The following KMT2D variants were observed in gnomAD, a reference collection of about 807,000 sequenced individuals.
KMT2D encodes histone-lysine N-methyltransferase 2D.
Under a neutral mutation model 512.7 loss-of-function variants are expected in KMT2D, and 55 were observed. That is an observed-to-expected ratio of 0.11 (90% confidence interval 0.09 to 0.13). The LOEUF is 0.13. Ranked by LOEUF, KMT2D falls within the 10% of genes least tolerant of loss-of-function variation. The pLI, the probability that KMT2D is intolerant of heterozygous loss-of-function variation, is 1.00. For synonymous variants in KMT2D, 2,995 were observed against 2,904.0 expected (o/e 1.03, Z -1.01); for missense variants, 6,061 against 7,127.9 (o/e 0.85, Z 5.39).
chr12:49,020,371 G>A lies in KMT2D; in HGVS notation c.*1409C>T, dbSNP rs927642750. 4.8e-4 allele frequency: 85 copies of A among 176,886 alleles called. No individual in the cohort carries two copies. The highest frequency in any genetic ancestry group is 1.6e-3 in the African/African-American group (66 of 42,210). 11.0% of individuals were successfully genotyped at this position (176,886 alleles called of 1,614,324 possible). A position where few individuals can be genotyped will look rare whatever the true frequency, so the allele number is the denominator to read the frequency against. On this transcript the variant is annotated 3_prime_UTR_variant, in exon 55 of 55. Coordinates refer to ENST00000301067, the MANE Select transcript of KMT2D (RefSeq NM_003482.4). ...CCCACAAGGGGAGCTCCATGTGTCCGCCCCACACCCCCCTACCATTTATAA... is the reference window on the plus strand; with the variant it reads ...CCCACAAGGGGAGCTCCATGTGTCCACCCCACACCCCCCTACCATTTATAA...
rs1380673302 is a variant in KMT2D, at chr12:49,019,066, A to G, written c.*2714T>C. The G allele has an allele frequency of 2.2e-6, 3 of 1,340,130 alleles. No individual in the cohort carries two copies. Among genetic ancestry groups the G allele is most frequent in the African/African-American group, 3.0e-5 (2 of 67,462 alleles). The allele number at this position is 1,340,130 out of a possible 1,614,324, so 83.0% of individuals were successfully genotyped here. ...ACTTGCCCTTTGCCTCTCGCAACATAAATATGTACAGTTCAGAATGATCGC... is the reference window on the plus strand; with the variant it reads ...ACTTGCCCTTTGCCTCTCGCAACATGAATATGTACAGTTCAGAATGATCGC... On this transcript the variant is annotated 3_prime_UTR_variant, in exon 55 of 55. Coordinates refer to ENST00000301067, the MANE Select transcript of KMT2D (RefSeq NM_003482.4).
intron 9 of KMT2D, 30 bp from the exon 10 acceptor site, chr12:49,052,739 T>C (rs1474655476): frequency 1.2e-6 from 2 of 1,607,776 alleles, no homozygotes; most frequent in Non-Finnish European, 1.7e-6. Context: ...GCAGGCACTG[T>C]GGCTCTCACC....
Position 49,046,420 on chromosome 12 carries a change from C to T in KMT2D, c.4423G>A (p.Val1475Met), listed in dbSNP as rs2120606153. 6.2e-7 allele frequency: 1 copy of T among 1,613,870 alleles called. No individual in the cohort carries two copies. Among genetic ancestry groups the T allele is most frequent in the Non-Finnish European group, 8.5e-7 (1 of 1,179,836 alleles). Residue 1475 changes from valine (V) to methionine (M), a missense_variant, in exon 17 of 55, where the codon GTG (valine) becomes ATG (methionine). Physicochemically the swap from Val to Met is conservative, Grantham distance 21. Around this residue, in one of 16 missense-constraint regions of KMT2D, gnomAD observed 640 missense variants for 814.3 expected, o/e 0.79. Coordinates refer to ENST00000301067, the MANE Select transcript of KMT2D (RefSeq NM_003482.4). The surrounding 1 kb of genome is among the most constrained non-coding windows in gnomAD (Gnocchi z 4.2). ...PKGGWKCKWC[V>M]SCMQCGAASP... ...GCAGCCCCACACTGCATACAGGACACACACCTGATAGGAGCAGGAAAACAG... is the reference window on the plus strand; with the variant it reads ...GCAGCCCCACACTGCATACAGGACATACACCTGATAGGAGCAGGAAAACAG...
rs2120387696 is a variant in KMT2D, at chr12:49,028,908, T to C, written c.14302A>G (p.Lys4768Glu). Residue 4768 changes from lysine (K) to glutamate (E), a missense_variant, in exon 46 of 55, where the codon AAG becomes GAG. By Grantham distance (56) the Lys-to-Glu change is moderately conservative. This residue lies in a region of KMT2D where 1,600 missense variants were observed against 1,754.9 expected (regional missense o/e 0.91). Transcript: ENST00000301067. Reference protein sequence around the residue: ...YGALGLEVPGKLPVTTWEKGK... With the variant: ...YGALGLEVPGELPVTTWEKGK... ...TTTTCCCAAGTTGTGACAGGCAGCTTTCCAGGGACCTCCAGGCCAAGGGCC... is the reference window on the plus strand; with the variant it reads ...TTTTCCCAAGTTGTGACAGGCAGCTCTCCAGGGACCTCCAGGCCAAGGGCC... 1.2e-6 allele frequency: 2 copies of C among 1,614,034 alleles called. No homozygotes were observed. The highest frequency in any genetic ancestry group is 2.7e-5 in the African/African-American group (2 of 75,052).
chr12:49,042,979 C>T lies in KMT2D; in HGVS notation c.5644+97G>A, dbSNP rs1388832311. The T allele has an allele frequency of 5.1e-6, 8 of 1,566,628 alleles. No individual in the cohort carries two copies. Among genetic ancestry groups the T allele is most frequent in the East Asian group, 2.2e-5 (1 of 44,544 alleles). ...GCCAGGAACAGTCCAGGACTCCCCACCAGAGAAGCTGTACAGATCACAGTC... is the reference window on the plus strand; with the variant it reads ...GCCAGGAACAGTCCAGGACTCCCCATCAGAGAAGCTGTACAGATCACAGTC... On this transcript the variant is annotated intron_variant, in intron 26 of 54. Coordinates refer to ENST00000301067, the MANE Select transcript of KMT2D (RefSeq NM_003482.4). This position sits in a 1 kb window ranked among gnomAD's most constrained non-coding sequence, Gnocchi z 4.4.
chr12:49,038,810 G>T lies in KMT2D; in HGVS notation c.8546C>A (p.Ala2849Asp), dbSNP rs370940954. 1 of 1,571,860 alleles carries T rather than the reference G, an allele frequency of 6.4e-7. No individual in the cohort carries two copies. The highest frequency in any genetic ancestry group is 8.6e-7 in the Non-Finnish European group (1 of 1,158,294). Residue 2849 changes from alanine to aspartate, a missense_variant, in exon 35 of 55, where the codon GCC becomes GAC. Coordinates refer to ENST00000301067, the MANE Select transcript of KMT2D (RefSeq NM_003482.4). The surrounding 1 kb of genome is among the most constrained non-coding windows in gnomAD (Gnocchi z 5.7). ...STPGPELGRQ[A>D]LGSPLAGIST... ...AATTCCCGCCAACGGGGAACCTAGG[G>T]CTTGGCGGCCAAGTTCAGGTCCAGG...
intron 2 of KMT2D, 59 bp from the exon 3 acceptor site, chr12:49,055,085 C>T (rs1396209546): frequency 1.9e-6 from 3 of 1,604,428 alleles, no homozygotes; most frequent in Admixed American, 1.7e-5. Context: ...ACAAAGTCCA[C>T]TCACCAGACG....
At chr12:49,034,978 G>GCT in intron 35 of KMT2D, 43 bp from the exon 36 acceptor site, 1 of 1,607,746 alleles carries the variant, frequency 6.2e-7, no homozygotes, top group South Asian at 1.1e-5. Flanking sequence ...TGGGGCCAAT[G>GCT]CTCCAGTGAA....
At position 49,022,836 on chromosome 12, in the gene KMT2D, A is replaced by G. The variant is rs2137707704; in HGVS notation, c.16092T>C (p.Tyr5364=). The G allele has an allele frequency of 6.2e-7, 1 of 1,612,904 alleles. No homozygotes were observed. The highest frequency in any genetic ancestry group is 8.5e-7 in the Non-Finnish European group (1 of 1,179,144). Residue 5364 remains tyrosine (Y), a synonymous_variant, in exon 52 of 55, where the codon TAT becomes TAC. Transcript: ENST00000301067. This position sits in a 1 kb window ranked among gnomAD's most constrained non-coding sequence, Gnocchi z 8.6. ...TLNSTSMSKA[Y]QSTFTGETNT... The stretch of plus-strand genomic sequence containing the variant: ...TGGTCTCGCCTGTGAAGGTGCTCTG[A>G]TATGCCTTAGACATGCTGGTGCTGT...
rs771484057 is a variant in KMT2D, at chr12:49,040,811, T to G, written c.6959A>C (p.Glu2320Ala). 3 of 1,613,668 alleles carry G rather than the reference T, an allele frequency of 1.9e-6. No individual in the cohort carries two copies. In the South Asian group the frequency reaches 3.3e-5, roughly 18 times the overall value. Residue 2320 changes from glutamate to alanine, a missense_variant, in exon 32 of 55, where the codon GAG becomes GCG. By Grantham distance (107) the Glu-to-Ala change is moderately radical. Coordinates refer to ENST00000301067, the MANE Select transcript of KMT2D (RefSeq NM_003482.4). ...PSSGTHLGGL[E>A]LKTPDVFKAP... ...TTTGAAGACATCAGGTGTCTTTAAC[T>G]CCAGGCCACCCAGGTGGGTGCCTGA...
chr12:49,055,482 A>C (rs1342987068), intron 1 of KMT2D, 121 bp from the exon 2 acceptor site: 10 of 606,886 alleles, frequency 1.6e-5, no homozygotes, highest in East Asian at 2.8e-5. Flanking sequence ...CATACTACAA[A>C]CTCCTATACT....
In KMT2D at chr12:49,031,378, G is replaced by A; in HGVS notation, c.13327C>T (p.Pro4443Ser). Reference sequence around the variant, plus strand: ...AGCAGGAGGTGGTTGCTGGTTCCTGGTGCCCCTATTGGCTCCCCATTGGCC... The same window carrying A: ...AGCAGGAGGTGGTTGCTGGTTCCTGATGCCCCTATTGGCTCCCCATTGGCC... Reference protein sequence around the residue: ...REANGEPIGAPGTSNHLLLAG... With the variant: ...REANGEPIGASGTSNHLLLAG... The change falls in exon 40 of 55, where the codon CCA (proline) becomes TCA (serine). Residue 4443 changes from proline (P) to serine (S), a missense_variant. By Grantham distance (74) the Pro-to-Ser change is moderately conservative (BLOSUM62 -1). Transcript: ENST00000301067. 3 of 1,613,552 alleles carry A rather than the reference G, an allele frequency of 1.9e-6. No individual in the cohort carries two copies. The highest frequency in any genetic ancestry group is 2.2e-5 in the East Asian group (1 of 44,876).
At position 49,054,296 on chromosome 12, in the gene KMT2D, C is replaced by T. The variant is rs1281090809; in HGVS notation, c.510+11G>A. On this transcript the variant is annotated intron_variant, in intron 5 of 54. Coordinates refer to ENST00000301067, the MANE Select transcript of KMT2D (RefSeq NM_003482.4). This position sits in a 1 kb window ranked among gnomAD's most constrained non-coding sequence, Gnocchi z 6.4. ...GCCCTTCACCTATGCAATCCCCTGG[C>T]CCAGCCCCACCTGTGAGATCCCTGA... The T allele has an allele frequency of 5.7e-6, 9 of 1,576,600 alleles. No individual in the cohort carries two copies. Among genetic ancestry groups the T allele is most frequent in the Non-Finnish European group, 6.9e-6 (8 of 1,160,904 alleles).
rs549086846 is a variant in KMT2D at position 49,032,384 on chromosome 12, C to A, written c.12321G>T (p.Leu4107=). 6.2e-7 allele frequency: 1 copy of A among 1,609,266 alleles called. No homozygotes were observed. Among genetic ancestry groups the A allele is most frequent in the Non-Finnish European group, 8.5e-7 (1 of 1,177,778 alleles). ...GGCTTCCTCCACCTGCTGTGTGGAG[C>A]AGGCTAACTTGCTGCTGCTGTTGTC... ...LPGQQQQQVS[L]LHTAGGGSHG... is the part of the protein sequence containing the mutation. Residue 4107 remains leucine (L), a synonymous_variant, in exon 40 of 55, where the codon CTG becomes CTT. Coordinates refer to ENST00000301067, the MANE Select transcript of KMT2D (RefSeq NM_003482.4).
chr12:49,031,160 A>G lies in KMT2D; in HGVS notation c.13530+15T>C. On this transcript the variant is annotated intron_variant, in intron 40 of 54. Coordinates refer to ENST00000301067, the MANE Select transcript of KMT2D (RefSeq NM_003482.4). The stretch of plus-strand genomic sequence containing the variant: ...GGACCCACTCTACCTGCTCCACTCT[A>G]CTCAGAGTACTCACCTCCTTGTTGC... 1 of 1,605,786 alleles carries G rather than the reference A, an allele frequency of 6.2e-7. No homozygotes were observed. Among genetic ancestry groups the G allele is most frequent in the Non-Finnish European group, 8.5e-7 (1 of 1,175,568 alleles).
chr12:49,021,980 G>A, intron 54 of KMT2D, 63 bp downstream of exon 54: 1 of 1,552,096 alleles, frequency 6.4e-7, no homozygotes, highest in Non-Finnish European at 8.9e-7. Flanking sequence ...TTTAGGGAAT[G>A]GCAGAGAAGG....
rs369189362 is a variant in KMT2D at position 49,026,435 on chromosome 12, C to T, written c.15531G>A (p.Met5177Ile). The change falls in exon 49 of 55, where the codon ATG (methionine) becomes ATA (isoleucine). Residue 5177 changes from methionine (M) to isoleucine (I), a missense_variant. By Grantham distance (10) the Met-to-Ile change is conservative. This residue lies in a region of KMT2D where 261 missense variants were observed against 440.7 expected (regional missense o/e 0.59). Coordinates refer to ENST00000301067, the MANE Select transcript of KMT2D (RefSeq NM_003482.4). The surrounding 1 kb of genome is among the most constrained non-coding windows in gnomAD (Gnocchi z 9.6). Reference sequence around the variant, plus strand: ...GGAACACAAGGCCCCCCACACGGAACATGTGCAGCCGTTCTCCCCGCTGAA... The same window carrying T: ...GGAACACAAGGCCCCCCACACGGAATATGTGCAGCCGTTCTCCCCGCTGAA... ...SIIQRGERLHMFRVGGLVFHA... is the reference protein window; with the variant it reads ...SIIQRGERLHIFRVGGLVFHA... 1.2e-6 allele frequency: 2 copies of T among 1,613,924 alleles called. No individual in the cohort carries two copies. The highest frequency in any genetic ancestry group is 1.3e-5 in the African/African-American group (1 of 74,956).
intron 51 of KMT2D, among the ~76,000 whole-genome samples, chr12:49,023,233 G>T (rs1414477267): frequency 1.3e-5 from 2 of 152,166 alleles, no homozygotes; most frequent in African/African-American, 4.8e-5. Flanking sequence ...GCTCCTCTGG[G>T]AAGTTTTCCG....
In KMT2D at chr12:49,029,075, C is replaced by T. The variant is rs1431836046; in HGVS notation, c.14237G>A (p.Arg4746Gln). Residue 4746 changes from arginine (R) to glutamine (Q), a missense_variant, in exon 45 of 55, where the codon CGG becomes CAG. By Grantham distance (43) the Arg-to-Gln change is conservative. Around this residue, in one of 16 missense-constraint regions of KMT2D, gnomAD observed 1,600 missense variants for 1,754.9 expected, o/e 0.91. Transcript: ENST00000301067. ...GTAGCACATACCTGGGATGCTGGCC[C>T]GAGGAATGAGGGGGATGACAGGGGA... ...ALSPVIPLIP[R>Q]ASIPVFPDTK... 5.6e-6 allele frequency: 9 copies of T among 1,602,860 alleles called. No homozygotes were observed. Among genetic ancestry groups the T allele is most frequent in the African/African-American group, 4.0e-5 (3 of 74,758 alleles).
Sources: allele counts gnomAD v4.1 joint callset (sites outside exome capture counted in the v4.1 genomes callset), GRCh38; gene constraint gnomAD v4.1.1; regional missense constraint gnomAD v4.1.1; non-coding constraint Gnocchi (gnomAD v3.1); transcripts MANE v1.5; gene names NCBI Gene and HGNC (gene_info 2026-07-23, HGNC 2026-07-21).